P4HTM: variants seen among roughly 807,000 people sequenced by gnomAD.
The protein encoded by P4HTM is prolyl 4-hydroxylase, transmembrane.
A neutral mutation model predicts 55.3 loss-of-function variants in P4HTM; 33 were observed. That is an observed-to-expected ratio of 0.60 (90% CI 0.45 to 0.80). The LOEUF (loss-of-function observed/expected upper bound fraction) is 0.80. Ranked by LOEUF, P4HTM falls within the 30% of genes least tolerant of loss-of-function variation. The probability of loss-of-function intolerance (pLI) is 0.00; values close to 1 mark genes in which losing one functional copy is unlikely to be tolerated. For missense variants in P4HTM, 542 were observed against 696.5 expected (o/e 0.78, Z 2.50); for synonymous variants, 272 against 286.4 (o/e 0.95, Z 0.51).
At chr3:48,993,573 G>A (rs1417660772) in intron 2 of P4HTM, among the ~76,000 whole-genome samples, 1 of 151,872 alleles carries the variant, frequency 6.6e-6, no homozygotes, top group African/African-American at 2.4e-5. Flanking sequence ...CTATAAAGCA[G>A]AGAATGAGCC....
chr3:48,996,045 C>G (rs2092944637), intron 2 of P4HTM: 1 of 152,166 alleles, frequency 6.6e-6, no homozygotes, highest in Non-Finnish European at 1.5e-5. Context: ...GAGTTTTAAT[C>G]CATTTTTCTT....
Position 49,006,775 on chromosome 3 carries a change from TG to T in P4HTM, c.1378del (p.Val460TrpfsTer73). 1 of 1,613,644 alleles carries T rather than the reference TG, an allele frequency of 6.2e-7. No homozygotes were observed. On this transcript the variant is annotated frameshift_variant, in exon 9 of 9. Coordinates refer to ENST00000383729, the MANE Select transcript of P4HTM (RefSeq NM_177939.3). LOFTEE classifies it high-confidence loss of function. ...TKWIANNWINVDPSRARQALF... is the reference protein window; with the variant it reads ...TKWIANNWINXDPSRARQALF... ...AGTGGATTGCCAACAACTGGATTAA[TG>T]TGGACCCCAGCCGAGCGCGGCAAGC...
At chr3:49,001,060 C>T (rs1312508338) in intron 2 of P4HTM, 1 of 291,712 alleles carries the variant, frequency 3.4e-6, no homozygotes, top group Non-Finnish European at 6.7e-6. Flanking sequence ...CCACCATCTC[C>T]CCACTTTAAA....
At position 49,004,103 on chromosome 3, in the gene P4HTM, C is replaced by T; in HGVS notation, c.730C>T (p.Leu244=). 6.4e-7 allele frequency: 1 copy of T among 1,556,928 alleles called. No homozygotes were observed. Among genetic ancestry groups the T allele is most frequent in the Non-Finnish European group, 8.7e-7 (1 of 1,150,822 alleles). ...ATGGTGGGTGCCCTGTGCAGGAGTG[C>T]TGAGTCTGCAGGAGTTCTCCAACAT... is the stretch of plus-strand genomic sequence containing the variant. ...IKADPDGDGV[L]SLQEFSNMDL... Residue 244 remains leucine (L), a synonymous_variant, in exon 5 of 9, where the codon CTG becomes TTG. Coordinates refer to ENST00000383729, the MANE Select transcript of P4HTM (RefSeq NM_177939.3).
At chr3:48,997,611 A>G (rs1195331967) in intron 2 of P4HTM, 1 of 152,192 alleles carries the variant, frequency 6.6e-6, no homozygotes, top group Non-Finnish European at 1.5e-5. Flanking sequence ...TGTTTAGTCC[A>G]TCAGTCCCCT....
rs772821585 is a variant in P4HTM, at chr3:48,990,552, C to T, written c.296C>T (p.Ala99Val). ...ESSDPGPQHR[A>V]QGPGPEPTLG... ...AGCGATCCCGGGCCCCAACACCGTG[C>T]CCAGGGCCCCGGGCCCGAGCCCACC... The change falls in exon 1 of 9, where the codon GCC (alanine) becomes GTC (valine). Residue 99 changes from alanine (A) to valine (V), a missense_variant. This residue lies in a region of P4HTM where 536 missense variants were observed against 672.1 expected (regional missense o/e 0.80). Transcript: ENST00000383729. The surrounding 1 kb of genome is among the most constrained non-coding windows in gnomAD (Gnocchi z 7.2). 2 of 1,609,566 alleles carry T rather than the reference C, an allele frequency of 1.2e-6. No individual in the cohort carries two copies. Among genetic ancestry groups the T allele is most frequent in the African/African-American group, 1.3e-5 (1 of 74,718 alleles).
In P4HTM at chr3:49,004,084, G is replaced by GGT. The variant is rs2092969338; in HGVS notation, c.725-12_725-11dup. On this transcript the variant is annotated splice_polypyrimidine_tract_variant and intron_variant, in intron 4 of 8. Coordinates refer to ENST00000383729, the MANE Select transcript of P4HTM (RefSeq NM_177939.3). ...ATGGGCTTGGTGGGCATTGATGGTGGGTGCCCTGTGCAGGAGTGCTGAGTC... is the reference window on the plus strand; with the variant it reads ...ATGGGCTTGGTGGGCATTGATGGTGGGTGTGCCCTGTGCAGGAGTGCTGAGTC... 1 of 1,552,210 alleles carries GGT rather than the reference G, an allele frequency of 6.4e-7. No individual in the cohort carries two copies. The highest frequency in any genetic ancestry group is 8.7e-7 in the Non-Finnish European group (1 of 1,148,216).
At position 49,006,997 on chromosome 3, in the gene P4HTM, G is replaced by A. The variant is rs550947851; in HGVS notation, c.*90G>A. ...TCCTTCTGTCCTGCTGCAGACTAAA[G>A]GTCTGGCCAATGTCTTGCCCCACCC... On this transcript the variant is annotated 3_prime_UTR_variant, in exon 9 of 9. Transcript: ENST00000383729. The A allele has an allele frequency of 4.1e-4, 457 of 1,107,110 alleles. 2 individuals are homozygous for A. The African/African-American group carries it at 6.4e-3, about 16-fold the overall frequency. 68.6% of individuals were successfully genotyped at this position (1,107,110 alleles called of 1,614,324 possible). A position where few individuals can be genotyped will look rare whatever the true frequency, so the allele number is the denominator to read the frequency against.
chr3:49,004,963 C>G lies in P4HTM; in HGVS notation c.990C>G (p.Asp330Glu). ...GGGGCCACTACCATGCCCACGTGGA[C>G]AGTGGGCCTGTGTACCCAGAGACCA... ...GEGGHYHAHV[D>E]SGPVYPETIC... Residue 330 changes from aspartate (D) to glutamate (E), a missense_variant, in exon 6 of 9, where the codon GAC becomes GAG. Around this residue, in one of 2 missense-constraint regions of P4HTM, gnomAD observed 536 missense variants for 672.1 expected, o/e 0.80. Coordinates refer to ENST00000383729, the MANE Select transcript of P4HTM (RefSeq NM_177939.3). 6.2e-7 allele frequency: 1 copy of G among 1,613,954 alleles called. No homozygotes were observed. The highest frequency in any genetic ancestry group is 8.5e-7 in the Non-Finnish European group (1 of 1,179,936).
chr3:49,006,784 C>G lies in P4HTM; in HGVS notation c.1386C>G (p.Pro462=). The G allele has an allele frequency of 2.5e-6, 4 of 1,613,620 alleles. No individual in the cohort carries two copies. Among genetic ancestry groups the G allele is most frequent in the Non-Finnish European group, 3.4e-6 (4 of 1,180,044 alleles). ...CCAACAACTGGATTAATGTGGACCC[C>G]AGCCGAGCGCGGCAAGCGCTGTTCC... ...WIANNWINVD[P]SRARQALFQQ... Residue 462 remains proline, a synonymous_variant, in exon 9 of 9, where the codon CCC becomes CCG. Coordinates refer to ENST00000383729, the MANE Select transcript of P4HTM (RefSeq NM_177939.3).
Position 49,002,430 on chromosome 3 carries a change from C to G in P4HTM, c.628-70C>G, listed in dbSNP as rs1290089527. ...TGAACACTTTGCTCCACAACAAGCA[C>G]TGGGCCATCTGTTCTCTGCTGGCTC... is the stretch of plus-strand genomic sequence containing the variant. On this transcript the variant is annotated intron_variant, in intron 3 of 8. Transcript: ENST00000383729. The surrounding 1 kb of genome is among the most constrained non-coding windows in gnomAD (Gnocchi z 4.4). 1.8e-6 allele frequency: 2 copies of G among 1,121,818 alleles called. No individual in the cohort carries two copies. Among genetic ancestry groups the G allele is most frequent in the Non-Finnish European group, 2.7e-6 (2 of 740,464 alleles). 69.5% of individuals were successfully genotyped at this position (1,121,818 alleles called of 1,614,324 possible).
Position 49,002,677 on chromosome 3 carries a change from C to T in P4HTM, c.724+81C>T, listed in dbSNP as rs774837315. 8 of 1,066,206 alleles carry T rather than the reference C, an allele frequency of 7.5e-6. No homozygotes were observed. In the South Asian group the frequency reaches 8.7e-5, roughly 12 times the overall value. The allele number at this position is 1,066,206 out of a possible 1,614,324, so 66.0% of individuals were successfully genotyped here. A position where few individuals can be genotyped will look rare whatever the true frequency, so the allele number is the denominator to read the frequency against. On this transcript the variant is annotated intron_variant, in intron 4 of 8. Transcript: ENST00000383729. The surrounding 1 kb of genome is among the most constrained non-coding windows in gnomAD (Gnocchi z 4.4). Reference sequence around the variant, plus strand: ...GTGCACAATTTTGAAAACTTGGGCCCTTCCCCCACAGCCAGGCAGCCTCTC... The same window carrying T: ...GTGCACAATTTTGAAAACTTGGGCCTTTCCCCCACAGCCAGGCAGCCTCTC...
upstream of P4HTM, chr3:48,990,159 C>T: frequency 9.6e-7 from 1 of 1,046,978 alleles, no homozygotes; most frequent in Non-Finnish European, 1.2e-6. This position sits in a 1 kb window ranked among gnomAD's most constrained non-coding sequence, Gnocchi z 7.2. Flanking sequence ...CTCCTAGTGA[C>T]CGCGGCGCTC....
At chr3:49,004,037 C>T in intron 4 of P4HTM, 61 bp from the exon 5 acceptor site, 1 of 1,493,380 alleles carries the variant, frequency 6.7e-7, no homozygotes, top group Non-Finnish European at 9.0e-7. Flanking sequence ...GGAAGTGCAG[C>T]CTGCCACTGT....
intron 2 of P4HTM, 116 bp downstream of exon 2, chr3:48,991,030 T>A: frequency 1.4e-6 from 1 of 734,874 alleles, no homozygotes; most frequent in South Asian, 1.6e-5. Context: ...GAGCAGCCCT[T>A]CCAGAGGATT....
intron 5 of P4HTM, chr3:49,004,469 G>A: frequency 1.7e-6 from 1 of 580,938 alleles, no homozygotes; most frequent in South Asian, 2.2e-5. Context: ...TGGGCAACTG[G>A]GGTTAGATAG....
At chr3:49,004,513 C>T (rs2092970779) in intron 5 of P4HTM, 1 of 559,658 alleles carries the variant, frequency 1.8e-6, no homozygotes, top group Middle Eastern at 4.7e-4. Context: ...AGATAAATGA[C>T]CTCTTATCTT....
At chr3:48,992,997 C>T (rs1448026998) in intron 2 of P4HTM, among the ~76,000 whole-genome samples, 2 of 151,952 alleles carry the variant, frequency 1.3e-5, no homozygotes, top group Non-Finnish European at 2.9e-5. Context: ...CAAGGTGGAC[C>T]TGCCTGAAAA....
rs981873553 is a variant in P4HTM, at chr3:48,990,740, C to T, written c.355-93C>T. ...TCGGTCCCGCGCGCTCCCACTCACT[C>T]GCCTGCTGTCGCTCTCCGGGCCGGG... On this transcript the variant is annotated intron_variant, in intron 1 of 8. Coordinates refer to ENST00000383729, the MANE Select transcript of P4HTM (RefSeq NM_177939.3). This position sits in a 1 kb window ranked among gnomAD's most constrained non-coding sequence, Gnocchi z 7.2. 7.3e-6 allele frequency: 11 copies of T among 1,497,664 alleles called. No homozygotes were observed. The African/African-American group carries it at 9.7e-5, about 13-fold the overall frequency. 92.8% of individuals were successfully genotyped at this position (1,497,664 alleles called of 1,614,324 possible).
Sources: gnomAD v4.1 joint callset for allele counts (sites outside exome capture counted in the v4.1 genomes callset) on GRCh38, gnomAD v4.1.1 for gene constraint, gnomAD v4.1.1 regional missense constraint, Gnocchi (gnomAD v3.1) non-coding constraint, MANE v1.5 for transcripts, NCBI Gene and HGNC (gene_info 2026-07-23, HGNC 2026-07-21) for gene names.